Variants in PITPNC1 observed in about 807,000 individuals in gnomAD.
PITPNC1 encodes phosphatidylinositol transfer protein cytoplasmic 1.
A neutral mutation model predicts 44.7 loss-of-function variants in PITPNC1; 18 were observed. The observed-to-expected ratio is 0.40, with a 90% CI of 0.28 to 0.60. The LOEUF is 0.60. Ranked by LOEUF, PITPNC1 falls within the 20% of genes least tolerant of loss-of-function variation. The probability of loss-of-function intolerance (pLI) is 0.39; values close to 1 mark genes in which losing one functional copy is unlikely to be tolerated. For synonymous variants in PITPNC1, 141 were observed against 149.6 expected, an observed-to-expected ratio of 0.94 and a Z score of 0.42; for missense variants, 290 against 418.4, an observed-to-expected ratio of 0.69 and a Z score of 2.68.
chr17:67,415,268 C>G (rs192065749), intron 1 of PITPNC1, among the ~76,000 whole-genome samples: 18 of 152,274 alleles, frequency 1.2e-4, no homozygotes, highest in Admixed American at 1.2e-3. Context: ...AACTGAAATG[C>G]CACATTACCA....
chr17:67,663,352 G>A (rs12943441), intron 6 of PITPNC1, among the ~76,000 whole-genome samples: 76,264 of 151,756 alleles, frequency 0.5, 21,745 homozygotes, highest in Non-Finnish European at 0.64. Context: ...GGTGGATCAC[G>A]AGGTCAGGAG....
At chr17:67,582,576 A>C (rs1041715455) in intron 5 of PITPNC1, among the ~76,000 whole-genome samples, 1 of 137,404 alleles carries the variant, frequency 7.3e-6, no homozygotes, top group African/African-American at 2.9e-5. Context: ...ACGTGACCCA[A>C]TATCTAGTAA....
At chr17:67,461,927 G>C (rs1259428153) in intron 1 of PITPNC1, among the ~76,000 whole-genome samples, 1 of 152,186 alleles carries the variant, frequency 6.6e-6, no homozygotes, top group Non-Finnish European at 1.5e-5. Flanking sequence ...GACTTGCTCA[G>C]GGTCACAGAA....
At chr17:67,614,440 G>A (rs1003966023) in intron 5 of PITPNC1, among the ~76,000 whole-genome samples, 4 of 152,112 alleles carry the variant, frequency 2.6e-5, no homozygotes, top group Non-Finnish European at 4.4e-5. Context: ...GGAGGCCAAG[G>A]TGGGGAGTTT....
intron 1 of PITPNC1, among the ~76,000 whole-genome samples, chr17:67,400,484 C>A (rs192441505): frequency 6.6e-6 from 1 of 152,168 alleles, no homozygotes; most frequent in African/African-American, 2.4e-5. Flanking sequence ...CATGACTGTG[C>A]CCTTAACTGT....
At chr17:67,558,722 G>C (rs1054802001) in intron 4 of PITPNC1, among the ~76,000 whole-genome samples, 1 of 152,162 alleles carries the variant, frequency 6.6e-6, no homozygotes, top group Admixed American at 6.5e-5. Context: ...CTTTGTGTTA[G>C]TTAGAATGAC....
intron 2 of PITPNC1, among the ~76,000 whole-genome samples, chr17:67,546,440 T>C (rs1012785052): frequency 6.6e-6 from 1 of 152,108 alleles, no homozygotes; most frequent in Non-Finnish European, 1.5e-5. Context: ...GGGACTCTCA[T>C]GCTACCGGGC....
Position 67,527,333 on chromosome 17 carries a change from C to T in PITPNC1, c.49-5469C>T, listed in dbSNP as rs117107896. 6.6e-5 allele frequency among the ~76,000 whole-genome samples: 10 copies of T among 152,306 alleles called. No homozygotes were observed. In the East Asian group the frequency reaches 1.9e-3, roughly 29 times the overall value. On this transcript the variant is annotated intron_variant, in intron 1 of 8. Coordinates refer to ENST00000581322, the MANE Select transcript of PITPNC1 (RefSeq NM_012417.4). ...ATTCTGACATCTAGAAACTCTGTAACATACAGTCTTCAACCTGTCTGCAAC... is the reference window on the plus strand; with the variant it reads ...ATTCTGACATCTAGAAACTCTGTAATATACAGTCTTCAACCTGTCTGCAAC...
At chr17:67,485,209 T>G (rs900703753) in intron 1 of PITPNC1, among the ~76,000 whole-genome samples, 2 of 151,908 alleles carry the variant, frequency 1.3e-5, no homozygotes, top group Non-Finnish European at 2.9e-5. Context: ...CCGGTGGTGA[T>G]GCCATGGGGA....
chr17:67,385,654 G>T (rs941295769), intron 1 of PITPNC1, among the ~76,000 whole-genome samples: 1 of 152,070 alleles, frequency 6.6e-6, no homozygotes, highest in Non-Finnish European at 1.5e-5. Context: ...TGAAGTGAGC[G>T]AGACCAAGAA....
At position 67,514,983 on chromosome 17, in the gene PITPNC1, C is replaced by T. The variant is rs560120977; in HGVS notation, c.49-17819C>T. Among the ~76,000 whole-genome samples the T allele has an allele frequency of 3.3e-5, 5 of 152,302 alleles. No individual in the cohort carries two copies. In the East Asian group the frequency reaches 7.7e-4, roughly 24 times the overall value. The stretch of plus-strand genomic sequence containing the variant: ...GTTATGATCATGTTGAAATGCCCCA[C>T]GTTGCCTTTATTAACTAGTGCTCAG... On this transcript the variant is annotated intron_variant, in intron 1 of 8. Transcript: ENST00000581322.
chr17:67,568,625 C>G (rs949932708), intron 4 of PITPNC1, among the ~76,000 whole-genome samples: 3 of 151,908 alleles, frequency 2.0e-5, no homozygotes, highest in Admixed American at 1.3e-4. Flanking sequence ...CTCCTGGGCT[C>G]AAGTGATCCT....
intron 1 of PITPNC1, among the ~76,000 whole-genome samples, chr17:67,451,651 T>G (rs945976644): frequency 2.4e-4 from 37 of 151,892 alleles, no homozygotes; most frequent in Non-Finnish European, 5.1e-4. Flanking sequence ...TGTTTTGTTT[T>G]TTTTTGAGAC....
At chr17:67,619,870 C>T (rs2041808695) in intron 5 of PITPNC1, among the ~76,000 whole-genome samples, 1 of 152,124 alleles carries the variant, frequency 6.6e-6, no homozygotes, top group African/African-American at 2.4e-5. Context: ...GGAGTCCTCA[C>T]ATCGCCAGCT....
chr17:67,616,751 C>G (rs1168267354), intron 5 of PITPNC1, among the ~76,000 whole-genome samples: 2 of 152,182 alleles, frequency 1.3e-5, no homozygotes, highest in East Asian at 3.8e-4. Flanking sequence ...ACTTTGTTAT[C>G]CTTTTTACTC....
intron 5 of PITPNC1, among the ~76,000 whole-genome samples, chr17:67,602,508 G>A (rs2041553417): frequency 6.6e-6 from 1 of 152,090 alleles, no homozygotes; most frequent in South Asian, 2.1e-4. Context: ...TAGTGTTGAT[G>A]GGCTGCCCAT....
In PITPNC1 at chr17:67,377,291, C is replaced by A. The variant is rs2037886445; in HGVS notation, c.-864C>A. 1 of 152,360 alleles carries A rather than the reference C, an allele frequency of 6.6e-6. No individual in the cohort carries two copies. The highest frequency in any genetic ancestry group is 2.4e-5 in the African/African-American group (1 of 41,472). 9.4% of individuals were successfully genotyped at this position (152,360 alleles called of 1,614,324 possible). On this transcript the variant is annotated 5_prime_UTR_variant, in exon 1 of 9. Transcript: ENST00000581322. ...CTCGCGCTCGCTCCTCCCGCACCCACCTCCCGGCCCCAGGCACACTGCATC... is the reference window on the plus strand; with the variant it reads ...CTCGCGCTCGCTCCTCCCGCACCCAACTCCCGGCCCCAGGCACACTGCATC...
At chr17:67,578,708 G>T (rs578191340) in intron 5 of PITPNC1, among the ~76,000 whole-genome samples, 2 of 152,382 alleles carry the variant, frequency 1.3e-5, no homozygotes, top group African/African-American at 4.8e-5. Context: ...CAGGCCTGGT[G>T]CAGTGGCTCA....
At chr17:67,461,429 T>C (rs1475575901) in intron 1 of PITPNC1, among the ~76,000 whole-genome samples, 1 of 152,218 alleles carries the variant, frequency 6.6e-6, no homozygotes, top group East Asian at 1.9e-4. Context: ...CTATGGGAAC[T>C]CATGCAGCAG....
Sources: gnomAD v4.1 joint callset for allele counts (sites outside exome capture counted in the v4.1 genomes callset) on GRCh38, gnomAD v4.1.1 for gene constraint, MANE v1.5 for transcripts, NCBI Gene and HGNC (gene_info 2026-07-23, HGNC 2026-07-21) for gene names.